SLC39A13: variants seen among roughly 807,000 people sequenced by gnomAD.
SLC39A13 encodes the protein solute carrier family 39 member 13, also known as zinc transporter ZIP13.
In SLC39A13, 18 loss-of-function variants were observed where a neutral mutation model predicts 38.7. The ratio of observed to expected loss-of-function variants is 0.47; its 90% confidence interval spans 0.32 to 0.69. SLC39A13 has a LOEUF of 0.69. Among genes scored for constraint, SLC39A13 ranks in the 30% least tolerant of loss-of-function variants. SLC39A13 has a pLI of 0.03. For synonymous variants in SLC39A13, 212 were observed against 219.1 expected (o/e 0.97, Z 0.29); for missense variants, 395 against 490.7 (o/e 0.80, Z 1.84).
upstream of SLC39A13, among the ~76,000 whole-genome samples, chr11:47,408,010 C>G (rs772199105): frequency 6.6e-6 from 1 of 152,226 alleles, no homozygotes; most frequent in Non-Finnish European, 1.5e-5. Flanking sequence ...GCCTGAGGTT[C>G]CCAGTGAAAA....
intron 6 of SLC39A13, chr11:47,414,109 A>G: frequency 9.9e-6 from 6 of 607,482 alleles, no homozygotes; most frequent in Non-Finnish European, 1.8e-5. Flanking sequence ...CTCGACTTAC[A>G]TGGACTCCTC....
chr11:47,414,717 G>C, intron 7 of SLC39A13, 60 bp from the exon 8 acceptor site: 3 of 1,598,834 alleles, frequency 1.9e-6, no homozygotes, highest in South Asian at 2.2e-5. Context: ...TATCGTACCT[G>C]AGCACTCAGG....
At chr11:47,407,308 G>A (rs2095976402), upstream of SLC39A13, 1 of 152,250 alleles carries the variant, frequency 6.6e-6, no homozygotes, top group Non-Finnish European at 1.5e-5. Context: ...TGGACAGAAA[G>A]CTTCAGAAGA....
upstream of SLC39A13, chr11:47,407,587 GAGA>G (rs2095976975): frequency 6.6e-6 from 1 of 152,258 alleles, no homozygotes; most frequent in East Asian, 1.9e-4. Context: ...CTGATTTCCA[GAGA>G]AGAATACAAA....
chr11:47,408,420 C>T (rs527686642), upstream of SLC39A13, among the ~76,000 whole-genome samples: 31 of 152,006 alleles, frequency 2.0e-4, no homozygotes, highest in African/African-American at 7.5e-4. Flanking sequence ...GGAAGTGCGC[C>T]CTCTACCCGG....
Position 47,410,152 on chromosome 11 carries a change from A to G in SLC39A13, c.58A>G (p.Thr20Ala), listed in dbSNP as rs61897432. 205,811 of 1,613,100 alleles carry G rather than the reference A, an allele frequency of 0.13. 14,076 individuals carry two copies. The highest frequency in any genetic ancestry group is 0.14 in the Non-Finnish European group (167,166 of 1,179,942). Reference sequence around the variant, plus strand: ...GGCGGGCCCAAGGCTCCTCTTCCTCACTGCCCTTGCCCTGGAGCTCTTGGA... The same window carrying G: ...GGCGGGCCCAAGGCTCCTCTTCCTCGCTGCCCTTGCCCTGGAGCTCTTGGA... ...GMAGPRLLFL[T>A]ALALELLERA... Residue 20 changes from threonine (T) to alanine (A), a missense_variant, in exon 2 of 10, where the codon ACT (threonine) becomes GCT (alanine). Coordinates refer to ENST00000362021, the MANE Select transcript of SLC39A13 (RefSeq NM_001128225.3).
At chr11:47,409,382 G>T (rs752336490) in intron 1 of SLC39A13, among the ~76,000 whole-genome samples, 9 of 152,220 alleles carry the variant, frequency 5.9e-5, no homozygotes, top group Non-Finnish European at 1.3e-4. Flanking sequence ...CCTCACAGCT[G>T]AGGCAGGTGA....
intron 4 of SLC39A13, among the ~76,000 whole-genome samples, chr11:47,412,785 G>T (rs1197466164): frequency 1.5e-5 from 2 of 132,278 alleles, no homozygotes; most frequent in African/African-American, 5.6e-5. Context: ...TTTTTGAGAC[G>T]GAGTCTCGCT....
chr11:47,414,447 C>T lies in SLC39A13; in HGVS notation c.758C>T (p.Ala253Val). Residue 253 changes from alanine to valine, a missense_variant, in exon 7 of 10, where the codon GCC becomes GTC. Transcript: ENST00000362021. ...SKKIGLLTTM[A>V]ILLHEIPHEV... ...CAGATCGGGCTCCTGACAACCATGG[C>T]CATCCTCCTGCATGAGATCCCCCAT... The T allele has an allele frequency of 1.2e-6, 2 of 1,611,898 alleles. No homozygotes were observed. Among genetic ancestry groups the T allele is most frequent in the African/African-American group, 1.3e-5 (1 of 75,056 alleles).
chr11:47,411,767 G>A (rs2096000437), intron 2 of SLC39A13, among the ~76,000 whole-genome samples, 159 bp from the exon 3 acceptor site: 2 of 152,252 alleles, frequency 1.3e-5, no homozygotes, highest in South Asian at 4.1e-4. Context: ...GCATTTGGCA[G>A]GGTGTGGTGT....
intron 4 of SLC39A13, 141 bp from the exon 5 acceptor site, chr11:47,413,259 G>A: frequency 1.2e-6 from 1 of 855,154 alleles, no homozygotes; most frequent in Non-Finnish European, 1.9e-6. Context: ...ATCTGCCTTG[G>A]GCTCCCAAAG....
At chr11:47,409,239 A>C (rs2095984893) in intron 1 of SLC39A13, 1 of 152,312 alleles carries the variant, frequency 6.6e-6, no homozygotes, top group Non-Finnish European at 1.5e-5. Context: ...TGGTTGACTC[A>C]CGTCCACATC....
intron 6 of SLC39A13, 89 bp from the exon 7 acceptor site, chr11:47,414,336 G>A: frequency 6.8e-7 from 1 of 1,467,456 alleles, no homozygotes; most frequent in Non-Finnish European, 9.3e-7. Flanking sequence ...AGCCAGCTCA[G>A]AGCAGAGTAA....
chr11:47,411,938 G>A lies in SLC39A13; in HGVS notation c.314G>A (p.Arg105His), dbSNP rs762900525. The change falls in exon 3 of 10, where the codon CGC (arginine) becomes CAC (histidine). Residue 105 changes from arginine (R) to histidine (H), a missense_variant. Physicochemically the swap from Arg to His is conservative, Grantham distance 29 (BLOSUM62 0). Transcript: ENST00000362021. ...CTCTCCCTTGTAGCTGGGGCCTGGC[G>A]CCTGAAGCAGCTGCTCAGCTTCGCC... ...TMLRSEAGAW[R>H]LKQLLSFALG... The A allele has an allele frequency of 1.9e-5, 31 of 1,613,302 alleles. No homozygotes were observed. The highest frequency in any genetic ancestry group is 1.7e-4 in the Middle Eastern group (1 of 6,004).
chr11:47,414,555 G>T, intron 7 of SLC39A13, 80 bp downstream of exon 7: 1 of 1,568,510 alleles, frequency 6.4e-7, no homozygotes, highest in Middle Eastern at 1.8e-4. Context: ...GCTCAGGAGG[G>T]TGTGGGGCTG....
chr11:47,411,550 A>G (rs2095999370), intron 2 of SLC39A13, among the ~76,000 whole-genome samples: 1 of 152,226 alleles, frequency 6.6e-6, no homozygotes, highest in Admixed American at 6.5e-5. Flanking sequence ...GGTTGCAGTG[A>G]ACCAAGATCA....
chr11:47,413,894 T>C (rs879628544), intron 6 of SLC39A13: 2 of 721,268 alleles, frequency 2.8e-6, no homozygotes, highest in African/African-American at 3.5e-5. Context: ...TACTCCTTGT[T>C]GGGTGCCTCT....
In SLC39A13 at chr11:47,411,970, G is replaced by T; in HGVS notation, c.346G>T (p.Gly116Ter). 5.6e-6 allele frequency: 9 copies of T among 1,613,960 alleles called. No homozygotes were observed. The highest frequency in any genetic ancestry group is 7.6e-6 in the Non-Finnish European group (9 of 1,179,992). ...GCAGCTGCTCAGCTTCGCCCTGGGG[G>T]GACTCTTGGGCAATGTGTTTCTGCA... ...LKQLLSFALG[G>*]LLGNVFLHLL... is the part of the protein sequence containing the mutation. The change falls in exon 3 of 10, where the codon GGA becomes TGA. Residue 116 changes from glycine to a stop codon, truncating the protein, a stop_gained. Transcript: ENST00000362021. LOFTEE classifies it high-confidence loss of function.
chr11:47,412,239 C>T, intron 3 of SLC39A13, 107 bp from the exon 4 acceptor site: 5 of 1,475,510 alleles, frequency 3.4e-6, no homozygotes, highest in South Asian at 1.2e-5. Flanking sequence ...CCAACCCACC[C>T]TTGTCACTGC....
Sources: gnomAD v4.1 joint callset for allele counts (sites outside exome capture counted in the v4.1 genomes callset) on GRCh38, gnomAD v4.1.1 for gene constraint, MANE v1.5 for transcripts, NCBI Gene and HGNC (gene_info 2026-07-23, HGNC 2026-07-21) for gene names.